KIRREL3: variants seen among roughly 807,000 people sequenced by gnomAD.
KIRREL3 encodes kirre like nephrin family adhesion molecule 3.
KIRREL3 carries 36 observed loss-of-function variants against 89.7 expected under a neutral mutation model. The ratio of observed to expected loss-of-function variants is 0.40; its 90% CI spans 0.31 to 0.53. KIRREL3 has a LOEUF of 0.53. Among genes scored for constraint, KIRREL3 ranks in the 20% least tolerant of loss-of-function variants. The probability of loss-of-function intolerance (pLI) is 0.49; values close to 1 mark genes in which losing one functional copy is unlikely to be tolerated. For missense variants in KIRREL3, 864 were observed against 1,056.6 expected, an observed-to-expected ratio of 0.82 and a Z score of 2.53; for synonymous variants, 445 against 441.4, an observed-to-expected ratio of 1.01 and a Z score of -0.10.
At chr11:126,592,882 AC>A (rs1942212176) in intron 1 of KIRREL3, among the ~76,000 whole-genome samples, 1 of 152,066 alleles carries the variant, frequency 6.6e-6, no homozygotes, top group Non-Finnish European at 1.5e-5. Flanking sequence ...TGTTGAGAGA[AC>A]CGATGCAGGC....
At chr11:126,497,177 A>T (rs1318288674) in intron 4 of KIRREL3, among the ~76,000 whole-genome samples, 3 of 136,642 alleles carry the variant, frequency 2.2e-5, no homozygotes, top group African/African-American at 8.1e-5. Flanking sequence ...TGTGTAAGAG[A>T]GTGTGTGAGA....
chr11:126,973,193 G>GC (rs11449959), intron 1 of KIRREL3, among the ~76,000 whole-genome samples: 151,582 of 151,590 alleles, frequency 1, 75,787 homozygotes, highest in Middle Eastern at 1. Flanking sequence ...AGGCTGAATG[G>GC]CCCTGGCATA....
chr11:126,561,628 G>A lies in KIRREL3; in HGVS notation c.133+1207C>T, dbSNP rs1490654665. ...CTGACTAGCAGGACACAGAAAATGCGGCCCCCAACTCTGGTTGTACTCAGC... is the reference window on the plus strand; with the variant it reads ...CTGACTAGCAGGACACAGAAAATGCAGCCCCCAACTCTGGTTGTACTCAGC... On this transcript the variant is annotated intron_variant, in intron 2 of 16. Transcript: ENST00000525144. The surrounding 1 kb of genome is among the most constrained non-coding windows in gnomAD (Gnocchi z 4.5). Among the ~76,000 whole-genome samples the A allele has an allele frequency of 2.6e-5, 4 of 152,156 alleles. No individual in the cohort carries two copies. The highest frequency in any genetic ancestry group is 7.2e-5 in the African/African-American group (3 of 41,430).
Position 126,473,375 on chromosome 11 carries a change from G to A in KIRREL3, c.525C>T (p.Ala175=), listed in dbSNP as rs1956977580. ...PLNLTCHADN[A]KPAASIIWLR... ...ACCAGATGATGGAGGCTGCAGGCTT[G>A]GCATTGTCTGCGTGGCAGGTGAGGT... The change falls in exon 5 of 17, where the codon GCC becomes GCT. Residue 175 remains alanine (A), a synonymous_variant. Transcript: ENST00000525144. 2 of 1,575,318 alleles carry A rather than the reference G, an allele frequency of 1.3e-6. No homozygotes were observed. Among genetic ancestry groups the A allele is most frequent in the Non-Finnish European group, 1.7e-6 (2 of 1,162,226 alleles).
chr11:126,962,693 A>G (rs1346762872), intron 1 of KIRREL3, among the ~76,000 whole-genome samples: 2 of 152,196 alleles, frequency 1.3e-5, no homozygotes, highest in Admixed American at 1.3e-4. Context: ...TGTGGGTAAA[A>G]TGCTGTCAAA....
At chr11:126,718,468 A>C (rs1340360556) in intron 1 of KIRREL3, among the ~76,000 whole-genome samples, 1 of 152,216 alleles carries the variant, frequency 6.6e-6, no homozygotes, top group East Asian at 1.9e-4. Flanking sequence ...GTTTGGGGGC[A>C]CTGGAAACAC....
intron 1 of KIRREL3, among the ~76,000 whole-genome samples, chr11:126,915,779 T>C (rs1199912789): frequency 6.6e-6 from 1 of 152,244 alleles, no homozygotes; most frequent in African/African-American, 2.4e-5. Context: ...TTCTTTGTTA[T>C]TTCTGACATA....
rs1945014296 is a variant in KIRREL3, at chr11:126,653,926, G to A, written c.56-91014C>T. Among the ~76,000 whole-genome samples the A allele has an allele frequency of 6.6e-6, 1 of 152,172 alleles. No homozygotes were observed. Among genetic ancestry groups the A allele is most frequent in the South Asian group, 2.1e-4 (1 of 4,828 alleles). On this transcript the variant is annotated intron_variant, in intron 1 of 16. Transcript: ENST00000525144. The surrounding 1 kb of genome is among the most constrained non-coding windows in gnomAD (Gnocchi z 5.4). ...AAATAGACCTTGTAGCTGCCTCCATGCGATTCAGGGGAAGGTGATACCACT... is the reference window on the plus strand; with the variant it reads ...AAATAGACCTTGTAGCTGCCTCCATACGATTCAGGGGAAGGTGATACCACT...
intron 1 of KIRREL3, among the ~76,000 whole-genome samples, chr11:126,815,792 C>T (rs2134437898): frequency 6.6e-6 from 1 of 152,276 alleles, no homozygotes; most frequent in East Asian, 1.9e-4. Flanking sequence ...ACCTCGGCCT[C>T]CCAAAGTGCT....
chr11:126,806,157 G>T (rs966938143), intron 1 of KIRREL3, among the ~76,000 whole-genome samples: 16 of 152,176 alleles, frequency 1.1e-4, no homozygotes, highest in East Asian at 3.9e-4. Context: ...GGCCAGCTCA[G>T]ATCTTCAGGG....
rs1951488873 is a variant in KIRREL3, at chr11:126,814,305, A to C, written c.55+186150T>G. On this transcript the variant is annotated intron_variant, in intron 1 of 16. Transcript: ENST00000525144. This position sits in a 1 kb window ranked among gnomAD's most constrained non-coding sequence, Gnocchi z 4.4. Reference sequence around the variant, plus strand: ...TATGGAGAAAAAGGAATGCTTTTACACTGTTGGTGGGAGTGTAAATTAGTT... The same window carrying C: ...TATGGAGAAAAAGGAATGCTTTTACCCTGTTGGTGGGAGTGTAAATTAGTT... Among the ~76,000 whole-genome samples the C allele has an allele frequency of 6.6e-6, 1 of 152,180 alleles. No individual in the cohort carries two copies. Among genetic ancestry groups the C allele is most frequent in the Non-Finnish European group, 1.5e-5 (1 of 68,024 alleles).
In KIRREL3 at chr11:126,748,549, G is replaced by T. The variant is rs1355013369; in HGVS notation, c.56-185637C>A. 6.6e-6 allele frequency among the ~76,000 whole-genome samples: 1 copy of T among 152,160 alleles called. No homozygotes were observed. The highest frequency in any genetic ancestry group is 2.4e-5 in the African/African-American group (1 of 41,444). ...GGCTCCGTTCAAGTGCTTAGGCAGG[G>T]ACCATTAATATTGTTGAAGGGCAAG... On this transcript the variant is annotated intron_variant, in intron 1 of 16. Transcript: ENST00000525144. This position sits in a 1 kb window ranked among gnomAD's most constrained non-coding sequence, Gnocchi z 4.6.
At chr11:126,538,809 G>A (rs1239177063) in intron 2 of KIRREL3, among the ~76,000 whole-genome samples, 1 of 152,188 alleles carries the variant, frequency 6.6e-6, no homozygotes, top group Admixed American at 6.5e-5. Flanking sequence ...GGGCTGATAT[G>A]TCTTCCGCTG....
intron 1 of KIRREL3, among the ~76,000 whole-genome samples, chr11:126,886,333 C>T (rs143894363): frequency 6.6e-4 from 100 of 152,286 alleles, no homozygotes; most frequent in Middle Eastern, 6.8e-3. Context: ...CTCCTGAGGG[C>T]TAAGTGCATG....
chr11:126,833,043 C>T (rs1385293201), intron 1 of KIRREL3, among the ~76,000 whole-genome samples: 1 of 152,138 alleles, frequency 6.6e-6, no homozygotes, highest in Admixed American at 6.5e-5. Context: ...GTGCGGCTGT[C>T]CATAGACTCT....
In KIRREL3 at chr11:126,976,997, G is replaced by A. The variant is rs1949597644; in HGVS notation, c.55+23458C>T. ...CGATAGGAAAGAGAGTACCAAGAGA[G>A]TTAAGAAGAAGTTCTCTGTAACTGA... is the stretch of plus-strand genomic sequence containing the variant. On this transcript the variant is annotated intron_variant, in intron 1 of 16. Transcript: ENST00000525144. This position sits in a 1 kb window ranked among gnomAD's most constrained non-coding sequence, Gnocchi z 4.2. 6.6e-6 allele frequency among the ~76,000 whole-genome samples: 1 copy of A among 152,182 alleles called. No homozygotes were observed. The highest frequency in any genetic ancestry group is 6.5e-5 in the Admixed American group (1 of 15,280).
chr11:126,483,410 C>T (rs1957272315), intron 4 of KIRREL3, among the ~76,000 whole-genome samples: 1 of 152,170 alleles, frequency 6.6e-6, no homozygotes, highest in Admixed American at 6.5e-5. Flanking sequence ...AGCTGCAAAC[C>T]TTGTAATGGA....
At chr11:126,841,897 T>C (rs1253782224) in intron 1 of KIRREL3, among the ~76,000 whole-genome samples, 1 of 152,140 alleles carries the variant, frequency 6.6e-6, no homozygotes, top group Non-Finnish European at 1.5e-5. Flanking sequence ...GCTTCATACA[T>C]CGTCAAGGTG....
intron 1 of KIRREL3, among the ~76,000 whole-genome samples, chr11:126,974,105 T>A (rs1439858552): frequency 6.6e-6 from 1 of 152,226 alleles, no homozygotes; most frequent in Admixed American, 6.5e-5. Flanking sequence ...TTACATAAGA[T>A]GCAAAATATT....
Sources: gnomAD v4.1 joint callset for allele counts (sites outside exome capture counted in the v4.1 genomes callset) on GRCh38, gnomAD v4.1.1 for gene constraint, Gnocchi (gnomAD v3.1) non-coding constraint, MANE v1.5 for transcripts, NCBI Gene and HGNC (gene_info 2026-07-23, HGNC 2026-07-21) for gene names.